Variants in FTCDNL1 observed in about 807,000 individuals in gnomAD.
FTCDNL1 encodes the protein formiminotransferase N-terminal subdomain-containing protein.
In FTCDNL1, 11 loss-of-function variants were observed where a neutral mutation model predicts 5.9. The observed-to-expected ratio is 1.87, with a 90% CI of 1.18 to 3.10. The LOEUF (loss-of-function observed/expected upper bound fraction) is 3.10, where lower values mean the gene tolerates loss of function less well. FTCDNL1 is among the 30% of genes most tolerant of loss of function. FTCDNL1 has a pLI of 0.00. For missense variants in FTCDNL1, 115 were observed against 65.5 expected (o/e 1.76, Z -2.61); for synonymous variants, 58 against 24.8 (o/e 2.34, Z -3.99).
Position 199,819,554 on chromosome 2 carries a change from A to G in FTCDNL1, c.397+18T>C, listed in dbSNP as rs1254082588. The G allele has an allele frequency of 1.4e-6, 1 of 697,016 alleles. No homozygotes were observed. The highest frequency in any genetic ancestry group is 2.6e-6 in the Non-Finnish European group (1 of 383,354). The allele number at this position is 697,016 out of a possible 1,614,324, so 43.2% of individuals were successfully genotyped here. A position where few individuals can be genotyped will look rare whatever the true frequency, so the allele number is the denominator to read the frequency against. The stretch of plus-strand genomic sequence containing the variant: ...AAAAAAAAAAAAAACAGAGCAAAGC[A>G]AAAACCATGCTCAGAACCTGTTAAA... On this transcript the variant is annotated intron_variant, in intron 4 of 4. Transcript: ENST00000420128.
At chr2:199,731,109 T>C in the FTCDNL1 span, among the ~76,000 whole-genome samples, 1 of 152,118 alleles carries the variant, frequency 6.6e-6, no homozygotes, top group African/African-American at 2.4e-5. Flanking sequence ...AACCAAACAC[T>C]GCATGTTCTC....
rs114626723 is a variant in FTCDNL1 at position 199,773,737 on chromosome 2, T to C, written c.212-12902A>G. The stretch of plus-strand genomic sequence containing the variant: ...CTATCTTGCTATGTCCAATAAACCA[T>C]CTCCATGGCTCTGTGTGGGTCACAT... On this transcript the variant is annotated intron_variant, in intron 3 of 3. Coordinates refer to the FTCDNL1 transcript ENST00000416668. Among the ~76,000 whole-genome samples the C allele has an allele frequency of 1.4e-3, 215 of 152,312 alleles. 1 individual carries two copies. The highest frequency in any genetic ancestry group is 4.8e-3 in the African/African-American group (198 of 41,568).
intron 3 of FTCDNL1, among the ~76,000 whole-genome samples, chr2:199,843,976 A>C (rs1408503404): frequency 2.0e-5 from 3 of 151,980 alleles, no homozygotes; most frequent in East Asian, 3.9e-4. Context: ...CAAAGGAAAA[A>C]GGGGTAAGAG....
At chr2:199,822,605 G>T (rs550768161) in intron 3 of FTCDNL1, among the ~76,000 whole-genome samples, 1 of 152,178 alleles carries the variant, frequency 6.6e-6, no homozygotes, top group Admixed American at 6.5e-5. Flanking sequence ...TTCCTTTCAC[G>T]AAAATTTCTC....
At chr2:199,668,419 T>C in the FTCDNL1 span, among the ~76,000 whole-genome samples, 3 of 152,106 alleles carry the variant, frequency 2.0e-5, no homozygotes, top group Non-Finnish European at 4.4e-5. Context: ...TCTCCCTTAA[T>C]ACAAGTAGAC....
chr2:199,836,798 A>G (rs1255665823), intron 3 of FTCDNL1, among the ~76,000 whole-genome samples: 1 of 152,164 alleles, frequency 6.6e-6, no homozygotes, highest in African/African-American at 2.4e-5. Context: ...GGAAGGAGTA[A>G]AAGTCCATAG....
intron 3 of FTCDNL1, among the ~76,000 whole-genome samples, chr2:199,762,737 G>C (rs887694735): frequency 6.6e-6 from 1 of 152,024 alleles, no homozygotes; most frequent in African/African-American, 2.4e-5. Flanking sequence ...AAACTAATCT[G>C]CCTATGTCAT....
intron 3 of FTCDNL1, among the ~76,000 whole-genome samples, chr2:199,841,225 T>C (rs1003024790): frequency 1.5e-4 from 22 of 151,212 alleles, no homozygotes; most frequent in African/African-American, 4.9e-4. Context: ...TGAGTTTTTA[T>C]AGAAAATGAA....
the FTCDNL1 span, among the ~76,000 whole-genome samples, chr2:199,731,234 C>T: frequency 2.6e-5 from 4 of 152,244 alleles, no homozygotes; most frequent in South Asian, 2.1e-4. Flanking sequence ...GGGACAAACA[C>T]CTAACACATG....
At chr2:199,842,112 A>G (rs551617169) in intron 3 of FTCDNL1, among the ~76,000 whole-genome samples, 1 of 151,922 alleles carries the variant, frequency 6.6e-6, no homozygotes, top group Admixed American at 6.6e-5. Context: ...TACAAAAAAA[A>G]AAACAATTAG....
downstream of FTCDNL1, among the ~76,000 whole-genome samples, chr2:199,809,166 T>C (rs978132183): frequency 6.6e-6 from 1 of 151,440 alleles, no homozygotes; most frequent in Admixed American, 6.6e-5. Context: ...CAGAATAATA[T>C]AAATGCAGTC....
rs1269079104 is a variant in FTCDNL1 at position 199,811,902 on chromosome 2, C to T, written c.*803G>A. On this transcript the variant is annotated 3_prime_UTR_variant, in exon 5 of 5. Transcript: ENST00000420128. ...TAAAGAACATGACACGTACACTGTTCAGTGTCCCAACAGCGACTTACTTGA... is the reference window on the plus strand; with the variant it reads ...TAAAGAACATGACACGTACACTGTTTAGTGTCCCAACAGCGACTTACTTGA... Among the ~76,000 whole-genome samples the T allele has an allele frequency of 6.6e-6, 1 of 152,236 alleles. No homozygotes were observed. The highest frequency in any genetic ancestry group is 2.4e-5 in the African/African-American group (1 of 41,466).
the FTCDNL1 span, among the ~76,000 whole-genome samples, chr2:199,711,163 C>A: frequency 6.6e-6 from 1 of 152,036 alleles, no homozygotes; most frequent in Non-Finnish European, 1.5e-5. Flanking sequence ...AAAATGCAGC[C>A]AGACTGAGCG....
the FTCDNL1 span, among the ~76,000 whole-genome samples, chr2:199,696,964 A>T: frequency 0.57 from 86,454 of 152,062 alleles, 25,851 homozygotes; most frequent in South Asian, 0.7. Context: ...AAAGAACCAA[A>T]CTAATCTGAT....
At chr2:199,827,699 T>C (rs1048500800) in intron 3 of FTCDNL1, among the ~76,000 whole-genome samples, 1 of 152,044 alleles carries the variant, frequency 6.6e-6, no homozygotes, top group Non-Finnish European at 1.5e-5. Flanking sequence ...AACTATCCCA[T>C]AGGACGGATA....
chr2:199,845,602 G>C (rs894053412), intron 3 of FTCDNL1, among the ~76,000 whole-genome samples: 5 of 151,956 alleles, frequency 3.3e-5, no homozygotes, highest in Admixed American at 3.3e-4. Context: ...TCCTATGCTT[G>C]CTGAAGTTAT....
At chr2:199,751,099 T>C in the FTCDNL1 span, among the ~76,000 whole-genome samples, 3 of 152,152 alleles carry the variant, frequency 2.0e-5, no homozygotes, top group African/African-American at 7.2e-5. Context: ...AGCTCATCAG[T>C]GGAAAGTGGA....
At chr2:199,833,801 T>C (rs930723269) in intron 3 of FTCDNL1, among the ~76,000 whole-genome samples, 2 of 152,214 alleles carry the variant, frequency 1.3e-5, no homozygotes, top group Non-Finnish European at 2.9e-5. Context: ...TCTCACCATT[T>C]GCCTGCCAAA....
intron 3 of FTCDNL1, among the ~76,000 whole-genome samples, chr2:199,803,674 G>A (rs1236071534): frequency 6.6e-6 from 1 of 152,174 alleles, no homozygotes. Flanking sequence ...ATGTTGCCCA[G>A]GCTGGTCTTG....
Sources: allele counts gnomAD v4.1 joint callset (sites outside exome capture counted in the v4.1 genomes callset), GRCh38; gene constraint gnomAD v4.1.1; transcripts MANE v1.5; gene names NCBI Gene and HGNC (gene_info 2026-07-23, HGNC 2026-07-21).